The following KIRREL3 variants were observed in gnomAD, a reference collection of about 807,000 sequenced individuals.
KIRREL3 encodes kin of IRRE-like protein 3.
Under a neutral mutation model 89.7 loss-of-function variants are expected in KIRREL3, and 36 were observed. The observed-to-expected ratio is 0.40, with a 90% CI of 0.31 to 0.53. KIRREL3 has a LOEUF of 0.53. KIRREL3 is among the 20% of genes least tolerant of loss of function. The pLI, the probability that KIRREL3 is intolerant of heterozygous loss-of-function variation, is 0.49. For missense variants in KIRREL3, 864 were observed against 1,056.6 expected (o/e 0.82, Z 2.53); for synonymous variants, 445 against 441.4 (o/e 1.01, Z -0.10).
chr11:126,956,080 C>T (rs1948913986), intron 1 of KIRREL3, among the ~76,000 whole-genome samples: 2 of 152,190 alleles, frequency 1.3e-5, no homozygotes, highest in African/African-American at 4.8e-5. Flanking sequence ...GCTTGCAAGT[C>T]CTGCATCCCA....
intron 1 of KIRREL3, among the ~76,000 whole-genome samples, chr11:126,828,527 C>T (rs1415255658): frequency 6.6e-6 from 1 of 152,198 alleles, no homozygotes; most frequent in African/African-American, 2.4e-5. Context: ...GATTGGTAAA[C>T]AGCAGGACCA....
intron 1 of KIRREL3, among the ~76,000 whole-genome samples, chr11:126,926,034 C>T (rs1947698970): frequency 6.6e-6 from 1 of 152,222 alleles, no homozygotes; most frequent in Non-Finnish European, 1.5e-5. Flanking sequence ...CCATGATGTT[C>T]TTATATGACT....
intron 1 of KIRREL3, among the ~76,000 whole-genome samples, chr11:126,861,929 T>C (rs1360788646): frequency 6.6e-6 from 1 of 152,186 alleles, no homozygotes; most frequent in Non-Finnish European, 1.5e-5. Context: ...GGCACCTGTC[T>C]CTAAACCTTT....
Position 126,970,808 on chromosome 11 carries a change from A to C in KIRREL3, c.55+29647T>G, listed in dbSNP as rs1286725501. The stretch of plus-strand genomic sequence containing the variant: ...TGAGAACAAGGTTTTCCTAGTTTCA[A>C]ATAAGTGATATCTAAGGACCCATAG... On this transcript the variant is annotated intron_variant, in intron 1 of 16. Transcript: ENST00000525144. The surrounding 1 kb of genome is among the most constrained non-coding windows in gnomAD (Gnocchi z 4.4). Among the ~76,000 whole-genome samples the C allele has an allele frequency of 6.6e-6, 1 of 152,182 alleles. No individual in the cohort carries two copies. The highest frequency in any genetic ancestry group is 2.4e-5 in the African/African-American group (1 of 41,444).
rs910595619 is a variant in KIRREL3, at chr11:126,428,633, G to A, written c.1806+546C>T. Among the ~76,000 whole-genome samples, 7 of 152,064 alleles carry A rather than the reference G, an allele frequency of 4.6e-5. No homozygotes were observed. The highest frequency in any genetic ancestry group is 1.7e-4 in the African/African-American group (7 of 41,420). ...TTACTGAAGAGCCAGGCTCTCTGAA[G>A]GGTAGACTGCATTTTTGTTGTTGTT... On this transcript the variant is annotated intron_variant, in intron 15 of 16. Transcript: ENST00000525144. The surrounding 1 kb of genome is among the most constrained non-coding windows in gnomAD (Gnocchi z 6.4).
intron 1 of KIRREL3, among the ~76,000 whole-genome samples, chr11:126,630,915 C>T (rs1943992711): frequency 6.6e-6 from 1 of 152,160 alleles, no homozygotes; most frequent in Admixed American, 6.5e-5. Context: ...CCTTCCTTCC[C>T]ACTCCACCCG....
At chr11:126,453,260 G>C (rs1361423152) in intron 7 of KIRREL3, among the ~76,000 whole-genome samples, 2 of 152,134 alleles carry the variant, frequency 1.3e-5, no homozygotes, top group Non-Finnish European at 2.9e-5. Context: ...TCTCGTGTGG[G>C]GGGGCCACAT....
rs557890586 is a variant in KIRREL3 at position 126,687,756 on chromosome 11, T to C, written c.56-124844A>G. The stretch of plus-strand genomic sequence containing the variant: ...TCTGAGGCCCCTATTCTCAGAGTGC[T>C]CAGTCCAGTGAGAAACTAGAAAAGT... On this transcript the variant is annotated intron_variant, in intron 1 of 16. Coordinates refer to ENST00000525144, the MANE Select transcript of KIRREL3 (RefSeq NM_032531.4). This position sits in a 1 kb window ranked among gnomAD's most constrained non-coding sequence, Gnocchi z 4.6. Among the ~76,000 whole-genome samples, 1 of 152,298 alleles carries C rather than the reference T, an allele frequency of 6.6e-6. No individual in the cohort carries two copies. Among genetic ancestry groups the C allele is most frequent in the Non-Finnish European group, 1.5e-5 (1 of 68,016 alleles).
At chr11:126,644,644 G>A (rs1944595486) in intron 1 of KIRREL3, among the ~76,000 whole-genome samples, 1 of 152,206 alleles carries the variant, frequency 6.6e-6, no homozygotes, top group African/African-American at 2.4e-5. Flanking sequence ...ACCTGCAGAT[G>A]AGGTGAGAAG....
chr11:126,567,958 C>T lies in KIRREL3; in HGVS notation c.56-5046G>A, dbSNP rs573723672. 8.1e-4 allele frequency among the ~76,000 whole-genome samples: 124 copies of T among 152,238 alleles called. 6 individuals carry two copies. The South Asian group carries it at 0.024, about 30-fold the overall frequency. On this transcript the variant is annotated intron_variant, in intron 1 of 16. Coordinates refer to ENST00000525144, the MANE Select transcript of KIRREL3 (RefSeq NM_032531.4). ...GGCTGCTTGTAGAAGGCCTTCCTGT[C>T]CTGTCCCCAAGTTGCCCAGTCACAA...
In KIRREL3 at chr11:126,437,971, C is replaced by T. The variant is rs566669188; in HGVS notation, c.1354-962G>A. 7.2e-5 allele frequency among the ~76,000 whole-genome samples: 11 copies of T among 152,298 alleles called. No homozygotes were observed. In the South Asian group the frequency reaches 8.3e-4, roughly 11 times the overall value. On this transcript the variant is annotated intron_variant, in intron 11 of 16. Transcript: ENST00000525144. ...TCACACATGCCATGACACATGTACACGGTAACACACCCACACCACACATGT... is the reference window on the plus strand; with the variant it reads ...TCACACATGCCATGACACATGTACATGGTAACACACCCACACCACACATGT...
Position 126,605,519 on chromosome 11 carries a change from C to T in KIRREL3, c.56-42607G>A, listed in dbSNP as rs749998511. Among the ~76,000 whole-genome samples, 2 of 152,218 alleles carry T rather than the reference C, an allele frequency of 1.3e-5. No homozygotes were observed. Among genetic ancestry groups the T allele is most frequent in the African/African-American group, 2.4e-5 (1 of 41,446 alleles). Reference sequence around the variant, plus strand: ...GACTCAGGATGCCAGGAGGGAGGCACAGCCCACACTTAGCAGCTTGGCGCA... The same window carrying T: ...GACTCAGGATGCCAGGAGGGAGGCATAGCCCACACTTAGCAGCTTGGCGCA... On this transcript the variant is annotated intron_variant, in intron 1 of 16. Coordinates refer to ENST00000525144, the MANE Select transcript of KIRREL3 (RefSeq NM_032531.4). The surrounding 1 kb of genome is among the most constrained non-coding windows in gnomAD (Gnocchi z 5.7).
chr11:126,763,736 A>G lies in KIRREL3; in HGVS notation c.56-200824T>C, dbSNP rs1949734504. On this transcript the variant is annotated intron_variant, in intron 1 of 16. Transcript: ENST00000525144. This position sits in a 1 kb window ranked among gnomAD's most constrained non-coding sequence, Gnocchi z 4.7. ...TTTTCTCACTTGTGAAATGGGGACAATAGAAACACCCCTCTCAAACGTAGG... is the reference window on the plus strand; with the variant it reads ...TTTTCTCACTTGTGAAATGGGGACAGTAGAAACACCCCTCTCAAACGTAGG... Among the ~76,000 whole-genome samples the G allele has an allele frequency of 6.6e-6, 1 of 152,234 alleles. No individual in the cohort carries two copies. Among genetic ancestry groups the G allele is most frequent in the Non-Finnish European group, 1.5e-5 (1 of 68,042 alleles).
chr11:127,001,209 C>G (rs1022493289), upstream of KIRREL3: 2 of 147,920 alleles, frequency 1.4e-5, no homozygotes, highest in Non-Finnish European at 3.0e-5. Context: ...ATCTTTCCCT[C>G]GGAAGGACTT....
At chr11:126,841,093 A>T (rs1386423075) in intron 1 of KIRREL3, among the ~76,000 whole-genome samples, 1 of 152,190 alleles carries the variant, frequency 6.6e-6, no homozygotes, top group Non-Finnish European at 1.5e-5. Flanking sequence ...TATCGTAGGT[A>T]TGTATGGATA....
rs1949915036 is a variant in KIRREL3 at position 126,768,392 on chromosome 11, C to T, written c.56-205480G>A. ...CTCATTGTATGCAGGCACTGCATGT[C>T]CCAGGTCTGGAAATGCCTATGAATC... On this transcript the variant is annotated intron_variant, in intron 1 of 16. Coordinates refer to ENST00000525144, the MANE Select transcript of KIRREL3 (RefSeq NM_032531.4). The surrounding 1 kb of genome is among the most constrained non-coding windows in gnomAD (Gnocchi z 4.5). Among the ~76,000 whole-genome samples, 1 of 152,234 alleles carries T rather than the reference C, an allele frequency of 6.6e-6. No individual in the cohort carries two copies. Among genetic ancestry groups the T allele is most frequent in the South Asian group, 2.1e-4 (1 of 4,834 alleles).
rs1160423917 is a variant in KIRREL3 at position 126,555,109 on chromosome 11, G to C, written c.133+7726C>G. ...TGTGACCTGATTCTTCCTGACACTG[G>C]ACAAGAAGCTGGGTGCCGAGAGGGC... On this transcript the variant is annotated intron_variant, in intron 2 of 16. Transcript: ENST00000525144. The surrounding 1 kb of genome is among the most constrained non-coding windows in gnomAD (Gnocchi z 4.2). Among the ~76,000 whole-genome samples, 2 of 152,178 alleles carry C rather than the reference G, an allele frequency of 1.3e-5. No individual in the cohort carries two copies. The highest frequency in any genetic ancestry group is 4.8e-5 in the African/African-American group (2 of 41,426).
rs1371510134 is a variant in KIRREL3, at chr11:126,687,563, G to T, written c.56-124651C>A. Among the ~76,000 whole-genome samples the T allele has an allele frequency of 1.3e-5, 2 of 152,168 alleles. No individual in the cohort carries two copies. The highest frequency in any genetic ancestry group is 4.8e-5 in the African/African-American group (2 of 41,414). On this transcript the variant is annotated intron_variant, in intron 1 of 16. Transcript: ENST00000525144. This position sits in a 1 kb window ranked among gnomAD's most constrained non-coding sequence, Gnocchi z 4.6. ...AGGGTTTTCTATTAGTTTGAAGGAG[G>T]TCTACTTCCTAAGACATTCTTCTGC...
chr11:126,529,288 C>T (rs890790842), intron 2 of KIRREL3, among the ~76,000 whole-genome samples: 3 of 152,176 alleles, frequency 2.0e-5, no homozygotes, highest in African/African-American at 4.8e-5. Context: ...GGAAACCAGG[C>T]TCTGGAGGAA....
Sources: gnomAD v4.1 joint callset for allele counts (sites outside exome capture counted in the v4.1 genomes callset) on GRCh38, gnomAD v4.1.1 for gene constraint, Gnocchi (gnomAD v3.1) non-coding constraint, MANE v1.5 for transcripts, NCBI Gene and HGNC (gene_info 2026-07-23, HGNC 2026-07-21) for gene names.